SNRNP48: variants seen among roughly 807,000 people sequenced by gnomAD.
SNRNP48 encodes the protein U11/U12 small nuclear ribonucleoprotein 48 kDa protein.
Under a neutral mutation model 47.0 loss-of-function variants are expected in SNRNP48, and 43 were observed. The ratio of observed to expected loss-of-function variants is 0.92; its 90% CI spans 0.72 to 1.18. SNRNP48 has a LOEUF of 1.18. Among genes scored for constraint, SNRNP48 ranks in the 50% most tolerant of loss-of-function variants. The probability of loss-of-function intolerance (pLI) is 0.00; values close to 1 mark genes in which losing one functional copy is unlikely to be tolerated. For synonymous variants in SNRNP48, 138 were observed against 144.0 expected (o/e 0.96, Z 0.30); for missense variants, 396 against 422.2 (o/e 0.94, Z 0.54).
Position 7,594,104 on chromosome 6 carries a change from A to G in SNRNP48, c.276A>G (p.Glu92=). The G allele has an allele frequency of 1.4e-6, 2 of 1,438,786 alleles. No individual in the cohort carries two copies. The highest frequency in any genetic ancestry group is 1.4e-5 in the African/African-American group (1 of 69,630). The allele number at this position is 1,438,786 out of a possible 1,614,324, so 89.1% of individuals were successfully genotyped here. A position where few individuals can be genotyped will look rare whatever the true frequency, so the allele number is the denominator to read the frequency against. ...GTAAGATTCTTTTTTTTCAGGATGA[A>G]ATGTATAATCCTGAGTTTTTCTATG... ...KMGYTKEEED[E]MYNPEFFYEN... The change falls in exon 3 of 9, where the codon GAA becomes GAG. Residue 92 remains glutamate (E), a synonymous_variant. Transcript: ENST00000342415.
intron 4 of SNRNP48, among the ~76,000 whole-genome samples, chr6:7,598,074 A>T (rs374655027): frequency 6.6e-6 from 1 of 151,418 alleles, no homozygotes; most frequent in Non-Finnish European, 1.5e-5. Flanking sequence ...TCACTGTGTT[A>T]GCCACGATGG....
In SNRNP48 at chr6:7,590,409, C is replaced by T. The variant is rs199512188; in HGVS notation, c.152C>T (p.Ala51Val). Residue 51 changes from alanine (A) to valine (V), a missense_variant, in exon 1 of 9, where the codon GCG becomes GTG. Physicochemically the swap from Ala to Val is moderately conservative, Grantham distance 64. Coordinates refer to ENST00000342415, the MANE Select transcript of SNRNP48 (RefSeq NM_152551.4). The part of the protein sequence containing the change: ...DSLDPGEEEA[A>V]EDEVVICPYD... ...CTGGATCCCGGGGAAGAGGAGGCGG[C>T]GGAGGTGAGGAGCGCGGCCGCGGGG... is the stretch of plus-strand genomic sequence containing the variant. The T allele has an allele frequency of 4.1e-4, 542 of 1,311,778 alleles. 1 individual carries two copies. The East Asian group carries it at 8.3e-3, about 20-fold the overall frequency. 81.3% of individuals were successfully genotyped at this position (1,311,778 alleles called of 1,614,324 possible). A position where few individuals can be genotyped will look rare whatever the true frequency, so the allele number is the denominator to read the frequency against.
chr6:7,607,716 A>G (rs920161967), intron 8 of SNRNP48, among the ~76,000 whole-genome samples: 2 of 152,206 alleles, frequency 1.3e-5, no homozygotes, highest in Non-Finnish European at 2.9e-5. Flanking sequence ...TGTGAGCTCC[A>G]TGAAGGCAAG....
chr6:7,606,723 C>T (rs1760135756), intron 8 of SNRNP48, among the ~76,000 whole-genome samples: 1 of 152,120 alleles, frequency 6.6e-6, no homozygotes, highest in Non-Finnish European at 1.5e-5. Flanking sequence ...TTCTGTAGTC[C>T]AGCTGCTTAC....
At position 7,609,719 on chromosome 6, in the gene SNRNP48, T is replaced by A. The variant is rs1339365473; in HGVS notation, c.*846T>A. On this transcript the variant is annotated 3_prime_UTR_variant, in exon 9 of 9. Transcript: ENST00000342415. The stretch of plus-strand genomic sequence containing the variant: ...AAAAATAAGGTCTTAATGTTTCATT[T>A]AATTTAAAATATACTGTCATGTTGT... 6.6e-6 allele frequency: 1 copy of A among 152,198 alleles called. No homozygotes were observed. The highest frequency in any genetic ancestry group is 6.5e-5 in the Admixed American group (1 of 15,282). The allele number at this position is 152,198 out of a possible 1,614,324, so 9.4% of individuals were successfully genotyped here.
Position 7,610,567 on chromosome 6 carries a change from A to G in SNRNP48, c.*1694A>G, listed in dbSNP as rs1485045955. On this transcript the variant is annotated 3_prime_UTR_variant, in exon 9 of 9. Coordinates refer to ENST00000342415, the MANE Select transcript of SNRNP48 (RefSeq NM_152551.4). The stretch of plus-strand genomic sequence containing the variant: ...AAATTGTGATTTCATTGATTTTACT[A>G]ACTGGAAGGAAGAAGAGTAAAATTG... 1 of 152,198 alleles carries G rather than the reference A, an allele frequency of 6.6e-6. No homozygotes were observed. Among genetic ancestry groups the G allele is most frequent in the Non-Finnish European group, 1.5e-5 (1 of 68,022 alleles). 9.4% of individuals were successfully genotyped at this position (152,198 alleles called of 1,614,324 possible).
rs1436943187 is a variant in SNRNP48 at position 7,590,300 on chromosome 6, C to T, written c.43C>T (p.Gln15Ter). Reference sequence around the variant, plus strand: ...ACCTGTGGAGGAGCGGCGGCGGCTGCAGGAGGAGCTGAACGAGTTCGTGGA... The same window carrying T: ...ACCTGTGGAGGAGCGGCGGCGGCTGTAGGAGGAGCTGAACGAGTTCGTGGA... ...PPPVEERRRLQEELNEFVESG... is the reference protein window; with the variant it reads ...PPPVEERRRL The change falls in exon 1 of 9, where the codon CAG becomes TAG. Residue 15 changes from glutamine (Q) to a stop codon, truncating the protein, a stop_gained. Transcript: ENST00000342415. LOFTEE classifies it high-confidence loss of function. 2 of 1,379,500 alleles carry T rather than the reference C, an allele frequency of 1.4e-6. No homozygotes were observed. Among genetic ancestry groups the T allele is most frequent in the Non-Finnish European group, 1.9e-6 (2 of 1,054,412 alleles). The allele number at this position is 1,379,500 out of a possible 1,614,324, so 85.5% of individuals were successfully genotyped here. A position where few individuals can be genotyped will look rare whatever the true frequency, so the allele number is the denominator to read the frequency against.
chr6:7,601,227 T>G (rs2113719968), intron 4 of SNRNP48, 109 bp from the exon 5 acceptor site: 1 of 808,598 alleles, frequency 1.2e-6, no homozygotes, highest in East Asian at 3.1e-5. Context: ...ATGAAAAAAG[T>G]TTGTGTTAAT....
intron 4 of SNRNP48, among the ~76,000 whole-genome samples, chr6:7,595,977 A>T (rs1759897661): frequency 6.6e-6 from 1 of 152,130 alleles, no homozygotes; most frequent in Non-Finnish European, 1.5e-5. Flanking sequence ...AAAAACATAG[A>T]CATAGGCCAG....
chr6:7,597,331 G>A (rs1055233683), intron 4 of SNRNP48, among the ~76,000 whole-genome samples: 2 of 152,178 alleles, frequency 1.3e-5, no homozygotes, highest in Non-Finnish European at 2.9e-5. Flanking sequence ...TATTTATGAT[G>A]TCTTTCATGA....
Position 7,609,547 on chromosome 6 carries a change from G to A in SNRNP48, c.*674G>A, listed in dbSNP as rs1760194231. Reference sequence around the variant, plus strand: ...CATTCTCTATGGCTATATAATGTACGTAAATCTATTTTTAAAGGTTCAGAG... The same window carrying A: ...CATTCTCTATGGCTATATAATGTACATAAATCTATTTTTAAAGGTTCAGAG... On this transcript the variant is annotated 3_prime_UTR_variant, in exon 9 of 9. Transcript: ENST00000342415. The A allele has an allele frequency of 2.6e-5, 4 of 152,060 alleles. No homozygotes were observed. The highest frequency in any genetic ancestry group is 1.9e-4 in the East Asian group (1 of 5,204). 9.4% of individuals were successfully genotyped at this position (152,060 alleles called of 1,614,324 possible).
At chr6:7,605,296 A>G in intron 6 of SNRNP48, 102 bp from the exon 7 acceptor site, 3 of 872,538 alleles carry the variant, frequency 3.4e-6, no homozygotes, top group Non-Finnish European at 5.6e-6. Context: ...ATGTCATAGC[A>G]CTTAGTAAAT....
In SNRNP48 at chr6:7,606,210, G is replaced by GC. The variant is rs757513766; in HGVS notation, c.971+16dup. 3.8e-6 allele frequency: 6 copies of GC among 1,588,752 alleles called. No individual in the cohort carries two copies. In the South Asian group the frequency reaches 6.9e-5, roughly 18 times the overall value. ...AGGAAAGAGAGGTGGGTCTAACCCTGCATCATCCAACGTTGAATTCTGTAC... is the reference window on the plus strand; with the variant it reads ...AGGAAAGAGAGGTGGGTCTAACCCTGCCATCATCCAACGTTGAATTCTGTAC... On this transcript the variant is annotated intron_variant, in intron 8 of 8. Coordinates refer to ENST00000342415, the MANE Select transcript of SNRNP48 (RefSeq NM_152551.4).
chr6:7,596,811 C>G (rs1452852927), intron 4 of SNRNP48, among the ~76,000 whole-genome samples: 4 of 152,064 alleles, frequency 2.6e-5, no homozygotes, highest in Admixed American at 2.6e-4. Context: ...TGCTCATATC[C>G]CCTGGTAGTG....
intron 1 of SNRNP48, among the ~76,000 whole-genome samples, chr6:7,592,173 A>G (rs894827161): frequency 6.6e-6 from 1 of 152,158 alleles, no homozygotes; most frequent in Non-Finnish European, 1.5e-5. Flanking sequence ...AAGTGAGTTG[A>G]ATTGGCTAGG....
At chr6:7,599,349 A>G (rs774611868) in intron 4 of SNRNP48, among the ~76,000 whole-genome samples, 1 of 152,218 alleles carries the variant, frequency 6.6e-6, no homozygotes, top group Non-Finnish European at 1.5e-5. Context: ...AGAGATGGAT[A>G]GAGGTTGCAC....
chr6:7,599,999 C>T, intron 4 of SNRNP48: 1 of 995,900 alleles, frequency 1.0e-6, no homozygotes, highest in South Asian at 3.8e-5. Context: ...ATTTTCTAAT[C>T]TGTGTTTTCC....
chr6:7,602,798 A>G (rs2113721226), intron 6 of SNRNP48, 54 bp downstream of exon 6: 2 of 1,479,652 alleles, frequency 1.4e-6, no homozygotes, highest in East Asian at 2.4e-5. Context: ...AATTTTCTAA[A>G]TCTGTTCTAT....
At chr6:7,590,640 A>T (rs895599883) in intron 1 of SNRNP48, among the ~76,000 whole-genome samples, 1 of 152,178 alleles carries the variant, frequency 6.6e-6, no homozygotes, top group Non-Finnish European at 1.5e-5. Context: ...AAGGCTCCAC[A>T]TCGACCTCCA....
Sources: gnomAD v4.1 joint callset for allele counts (sites outside exome capture counted in the v4.1 genomes callset) on GRCh38, gnomAD v4.1.1 for gene constraint, MANE v1.5 for transcripts, NCBI Gene and HGNC (gene_info 2026-07-23, HGNC 2026-07-21) for gene names.